COL23A1: variants seen among roughly 807,000 people sequenced by gnomAD.
COL23A1 encodes the protein collagen type XXIII alpha 1 chain.
In COL23A1, 97 loss-of-function variants were observed where a neutral mutation model predicts 99.3. The ratio of observed to expected loss-of-function variants is 0.98; its 90% CI spans 0.83 to 1.16. The LOEUF (loss-of-function observed/expected upper bound fraction) is 1.16. Ranked by LOEUF, COL23A1 falls within the 50% of genes most tolerant of loss-of-function variation. The probability of loss-of-function intolerance (pLI) is 0.00; values close to 1 mark genes in which losing one functional copy is unlikely to be tolerated. For synonymous variants in COL23A1, 320 were observed against 308.2 expected (o/e 1.04, Z -0.40); for missense variants, 762 against 757.4 (o/e 1.01, Z -0.07).
In COL23A1 at chr5:178,428,983, C is replaced by T. The variant is rs75850377; in HGVS notation, c.362-122064G>A. Among the ~76,000 whole-genome samples, 293 of 152,236 alleles carry T rather than the reference C, an allele frequency of 1.9e-3. No individual in the cohort carries two copies. The highest frequency in any genetic ancestry group is 6.8e-3 in the African/African-American group (284 of 41,544). ...AGACCCTACCACACCCCAGTGCTGCCCAGGCCCAGCACCCGGGGTGCGGGT... is the reference window on the plus strand; with the variant it reads ...AGACCCTACCACACCCCAGTGCTGCTCAGGCCCAGCACCCGGGGTGCGGGT... On this transcript the variant is annotated intron_variant, in intron 2 of 28. Coordinates refer to ENST00000390654, the MANE Select transcript of COL23A1 (RefSeq NM_173465.4). This position sits in a 1 kb window ranked among gnomAD's most constrained non-coding sequence, Gnocchi z 5.0.
intron 17 of COL23A1, 37 bp from the exon 18 acceptor site, chr5:178,250,142 C>T: frequency 1.2e-6 from 2 of 1,613,366 alleles, no homozygotes; most frequent in Non-Finnish European, 8.5e-7. Context: ...GTTATGCCTT[C>T]CTTTCCTAAA....
chr5:178,290,308 G>C, intron 4 of COL23A1, 54 bp downstream of exon 4: 3 of 1,613,208 alleles, frequency 1.9e-6, no homozygotes, highest in Non-Finnish European at 2.5e-6. Context: ...GCAACAGAGA[G>C]AGAACCAAAC....
intron 2 of COL23A1, among the ~76,000 whole-genome samples, chr5:178,542,194 C>T (rs11949419): frequency 0.059 from 9,030 of 152,124 alleles, 401 homozygotes; most frequent in Middle Eastern, 0.16. Context: ...CAACTAATTA[C>T]AGGCACGCGC....
chr5:178,566,080 G>A (rs551977920), intron 1 of COL23A1, among the ~76,000 whole-genome samples: 1 of 152,168 alleles, frequency 6.6e-6, no homozygotes, highest in Non-Finnish European at 1.5e-5. Flanking sequence ...GTGAGTGAGA[G>A]CATGTCATTG....
At chr5:178,561,893 A>G in intron 1 of COL23A1, 1 of 315,590 alleles carries the variant, frequency 3.2e-6, no homozygotes, top group Non-Finnish European at 6.3e-6. Flanking sequence ...GGACCGGGAG[A>G]CTTCACCAGG....
chr5:178,304,113 T>C (rs1196908061), intron 3 of COL23A1, among the ~76,000 whole-genome samples: 2 of 152,146 alleles, frequency 1.3e-5, no homozygotes, highest in African/African-American at 4.8e-5. Flanking sequence ...TGCTGGGAAC[T>C]AGGGAGGCTA....
At chr5:178,298,046 C>T (rs1330559388) in intron 3 of COL23A1, among the ~76,000 whole-genome samples, 4 of 152,144 alleles carry the variant, frequency 2.6e-5, no homozygotes, top group Non-Finnish European at 5.9e-5. Flanking sequence ...TGGTGGTGTC[C>T]CGAGGTCCAG....
intron 2 of COL23A1, among the ~76,000 whole-genome samples, chr5:178,353,610 C>T (rs1761453675): frequency 6.6e-6 from 1 of 152,188 alleles, no homozygotes; most frequent in South Asian, 2.1e-4. Context: ...ATGACCTCTT[C>T]CCTGGGACGC....
At chr5:178,245,294 C>CTAT (rs1764621262) in intron 25 of COL23A1, among the ~76,000 whole-genome samples, 1 of 143,622 alleles carries the variant, frequency 7.0e-6, no homozygotes, top group African/African-American at 2.6e-5. Flanking sequence ...CCCTCCACTG[C>CTAT]CATCATCATC....
rs1765729111 is a variant in COL23A1, at chr5:178,263,205, T to C, written c.639+3A>G. The C allele has an allele frequency of 6.2e-7, 1 of 1,609,778 alleles. No individual in the cohort carries two copies. Among genetic ancestry groups the C allele is most frequent in the Non-Finnish European group, 8.5e-7 (1 of 1,176,320 alleles). ...CGTGGCCCAACTCCATGCCCTCTCTTACCGCTGGGCCTTGTGCTCCCCTGG... is the reference window on the plus strand; with the variant it reads ...CGTGGCCCAACTCCATGCCCTCTCTCACCGCTGGGCCTTGTGCTCCCCTGG... On this transcript the variant is annotated splice_donor_region_variant and intron_variant, in intron 9 of 28. Transcript: ENST00000390654.
chr5:178,475,499 A>G (rs1334022158), intron 2 of COL23A1, among the ~76,000 whole-genome samples: 1 of 152,224 alleles, frequency 6.6e-6, no homozygotes, highest in African/African-American at 2.4e-5. Flanking sequence ...ACAAGATAAT[A>G]AATGCTTGCT....
chr5:178,240,788 G>A (rs891065575), intron 27 of COL23A1, among the ~76,000 whole-genome samples: 20 of 152,348 alleles, frequency 1.3e-4, no homozygotes, highest in Admixed American at 3.9e-4. Flanking sequence ...CTCTGGCACC[G>A]CTGGAGGTTG....
intron 2 of COL23A1, among the ~76,000 whole-genome samples, chr5:178,358,080 A>G (rs1581219465): frequency 7.7e-6 from 1 of 130,134 alleles, no homozygotes; most frequent in Non-Finnish European, 1.7e-5. Flanking sequence ...GTGTATGTGT[A>G]TGTACGTGTG....
At chr5:178,456,486 G>T (rs1767802879) in intron 2 of COL23A1, among the ~76,000 whole-genome samples, 1 of 152,200 alleles carries the variant, frequency 6.6e-6, no homozygotes, top group South Asian at 2.1e-4. Context: ...ATCACCTGAG[G>T]TCGGGAGTTC....
At chr5:178,539,309 A>G (rs991002224) in intron 2 of COL23A1, among the ~76,000 whole-genome samples, 7 of 152,064 alleles carry the variant, frequency 4.6e-5, no homozygotes. Flanking sequence ...CAATTTGGGA[A>G]GCCGAGGTGG....
At chr5:178,362,112 G>A (rs528862552) in intron 2 of COL23A1, among the ~76,000 whole-genome samples, 22 of 152,332 alleles carry the variant, frequency 1.4e-4, no homozygotes, top group African/African-American at 5.1e-4. Flanking sequence ...AGCGGACGTC[G>A]CTGCAGGTGT....
At chr5:178,258,552 C>T (rs937315143) in intron 12 of COL23A1, among the ~76,000 whole-genome samples, 8 of 151,748 alleles carry the variant, frequency 5.3e-5, no homozygotes, top group East Asian at 2.0e-4. Context: ...CCCGCCACCA[C>T]GCCCGGCTAA....
intron 2 of COL23A1, among the ~76,000 whole-genome samples, chr5:178,417,137 A>G (rs951531199): frequency 6.6e-6 from 1 of 152,214 alleles, no homozygotes; most frequent in East Asian, 1.9e-4. Context: ...TCCTGAAAGG[A>G]GGCTTGTGCT....
Position 178,590,331 on chromosome 5 carries a change from G to T in COL23A1, c.-134C>A. ...GGGGGTTAGCCTCCGGGTAGCAGCG[G>T]ATCGCCGCGCACGCCCCCTTCGCCG... On this transcript the variant is annotated 5_prime_UTR_variant, in exon 1 of 29. Coordinates refer to ENST00000390654, the MANE Select transcript of COL23A1 (RefSeq NM_173465.4). This position sits in a 1 kb window ranked among gnomAD's most constrained non-coding sequence, Gnocchi z 5.7. 1 of 785,788 alleles carries T rather than the reference G, an allele frequency of 1.3e-6. No homozygotes were observed. Among genetic ancestry groups the T allele is most frequent in the Non-Finnish European group, 1.7e-6 (1 of 603,142 alleles). 48.7% of individuals were successfully genotyped at this position (785,788 alleles called of 1,614,324 possible). A position where few individuals can be genotyped will look rare whatever the true frequency, so the allele number is the denominator to read the frequency against.
Sources: allele counts gnomAD v4.1 joint callset (sites outside exome capture counted in the v4.1 genomes callset), GRCh38; gene constraint gnomAD v4.1.1; non-coding constraint Gnocchi (gnomAD v3.1); transcripts MANE v1.5; gene names NCBI Gene and HGNC (gene_info 2026-07-23, HGNC 2026-07-21).